The following BCL11B variants were observed in gnomAD, a reference collection of about 807,000 sequenced individuals.
The protein encoded by BCL11B is BCL11 transcription factor B, also known as B-cell lymphoma/leukemia 11B.
A neutral mutation model predicts 49.9 loss-of-function variants in BCL11B; 8 were observed. That is an observed-to-expected ratio of 0.16 (90% CI 0.09 to 0.29). BCL11B has a LOEUF of 0.29. BCL11B is among the 10% of genes least tolerant of loss of function. BCL11B has a pLI of 1.00. For missense variants in BCL11B, 1,006 were observed against 1,351.0 expected (o/e 0.74, Z 4.00); for synonymous variants, 739 against 637.4 (o/e 1.16, Z -2.40).
rs777807834 is a variant in BCL11B, at chr14:99,231,334, T to G, written c.640+11A>C. 2.4e-5 allele frequency: 38 copies of G among 1,608,220 alleles called. No individual in the cohort carries two copies. Among genetic ancestry groups the G allele is most frequent in the Non-Finnish European group, 1.0e-5 (12 of 1,178,250 alleles). On this transcript the variant is annotated intron_variant, in intron 3 of 3. Transcript: ENST00000357195. The surrounding 1 kb of genome is among the most constrained non-coding windows in gnomAD (Gnocchi z 8.1). ...CGGGGGCCCGCCCCCCACCGCGGCG[T>G]CGTCTGTTACCTGACAACTGACACT...
chr14:99,248,705 G>A lies in BCL11B; in HGVS notation c.427+8766C>T, dbSNP rs1362474675. Among the ~76,000 whole-genome samples, 2 of 152,282 alleles carry A rather than the reference G, an allele frequency of 1.3e-5. No homozygotes were observed. The highest frequency in any genetic ancestry group is 1.9e-4 in the East Asian group (1 of 5,184). ...TTCTTCAGAGAAAACTGACTCCTAA[G>A]CCTCATTAATGTGAAAAATGAGGAA... On this transcript the variant is annotated intron_variant, in intron 2 of 3. Coordinates refer to ENST00000357195, the MANE Select transcript of BCL11B (RefSeq NM_138576.4). The surrounding 1 kb of genome is among the most constrained non-coding windows in gnomAD (Gnocchi z 4.7).
At chr14:99,258,362 G>A (rs1345200170) in intron 1 of BCL11B, among the ~76,000 whole-genome samples, 1 of 152,152 alleles carries the variant, frequency 6.6e-6, no homozygotes, top group Non-Finnish European at 1.5e-5. Context: ...GAGAACCAGT[G>A]AGCTGGAGCC....
chr14:99,260,972 CA>C (rs2139961480), intron 1 of BCL11B, among the ~76,000 whole-genome samples: 1 of 152,240 alleles, frequency 6.6e-6, no homozygotes, highest in African/African-American at 2.4e-5. Context: ...GGAAAAGAAA[CA>C]AACAAAAAAT....
At position 99,192,935 on chromosome 14, in the gene BCL11B, A is replaced by T. The variant is rs200839100; in HGVS notation, c.641-16740T>A. Reference sequence around the variant, plus strand: ...TAAAAGAGTGAATGAATGAATGAGTAAATTAGTGAATAAGTGAATAAGTGA... The same window carrying T: ...TAAAAGAGTGAATGAATGAATGAGTTAATTAGTGAATAAGTGAATAAGTGA... On this transcript the variant is annotated intron_variant, in intron 3 of 3. Coordinates refer to ENST00000357195, the MANE Select transcript of BCL11B (RefSeq NM_138576.4). This position sits in a 1 kb window ranked among gnomAD's most constrained non-coding sequence, Gnocchi z 4.0. Among the ~76,000 whole-genome samples the T allele has an allele frequency of 3.9e-3, 558 of 144,604 alleles. 22 individuals carry two copies. In the East Asian group the frequency reaches 0.097, roughly 25 times the overall value. The allele number at this position is 144,604 out of a possible 152,430, so 94.9% of individuals were successfully genotyped here.
Position 99,176,098 on chromosome 14 carries a change from G to C in BCL11B, c.738C>G (p.Phe246Leu). 1 of 1,609,380 alleles carries C rather than the reference G, an allele frequency of 6.2e-7. No homozygotes were observed. The highest frequency in any genetic ancestry group is 1.1e-5 in the South Asian group (1 of 90,854). The change falls in exon 4 of 4, where the codon TTC becomes TTG. Residue 246 changes from phenylalanine to leucine, a missense_variant. Physicochemically the swap from Phe to Leu is conservative, Grantham distance 22. Around this residue, in one of 6 missense-constraint regions of BCL11B, gnomAD observed 411 missense variants for 542.2 expected, o/e 0.76. Coordinates refer to ENST00000357195, the MANE Select transcript of BCL11B (RefSeq NM_138576.4). Reference protein sequence around the residue: ...LLQHAQNTHGFRIYLEPGPAS... With the variant: ...LLQHAQNTHGLRIYLEPGPAS... ...CCGGCCCGGGCTCCAGGTAGATGCGGAAGCCGTGCGTGTTCTGCGCGTGCT... is the reference window on the plus strand; with the variant it reads ...CCGGCCCGGGCTCCAGGTAGATGCGCAAGCCGTGCGTGTTCTGCGCGTGCT...
intron 2 of BCL11B, among the ~76,000 whole-genome samples, chr14:99,238,893 C>G (rs936716614): frequency 2.0e-5 from 3 of 152,120 alleles, no homozygotes; most frequent in African/African-American, 7.2e-5. Flanking sequence ...AATGGGCAGG[C>G]CTGAGGACAA....
intron 3 of BCL11B, among the ~76,000 whole-genome samples, chr14:99,209,545 C>T (rs1470502984): frequency 5.9e-5 from 9 of 152,232 alleles, no homozygotes; most frequent in African/African-American, 1.2e-4. Flanking sequence ...GAGAAGCATG[C>T]GCCCAGCACG....
chr14:99,211,569 T>C (rs3850423), intron 3 of BCL11B, among the ~76,000 whole-genome samples: 6,654 of 152,296 alleles, frequency 0.044, 671 homozygotes, highest in East Asian at 0.34. Context: ...CACACATGCA[T>C]GTACACATGC....
intron 3 of BCL11B, among the ~76,000 whole-genome samples, chr14:99,219,940 G>A (rs1197748636): frequency 1.3e-5 from 2 of 152,130 alleles, no homozygotes; most frequent in Non-Finnish European, 2.9e-5. Context: ...CAGTCCAGTG[G>A]TGACTATAGG....
At chr14:99,177,605 C>T (rs1886578116) in intron 3 of BCL11B, among the ~76,000 whole-genome samples, 1 of 149,334 alleles carries the variant, frequency 6.7e-6, no homozygotes, top group African/African-American at 2.5e-5. Flanking sequence ...ACATGGCATG[C>T]GAGATCTTGA....
intron 3 of BCL11B, among the ~76,000 whole-genome samples, chr14:99,189,296 G>A (rs184423975): frequency 1.5e-3 from 226 of 152,336 alleles, no homozygotes; most frequent in Admixed American, 3.5e-3. Context: ...TGACACCACC[G>A]AAGTTTCCGG....
In BCL11B at chr14:99,170,174, C is replaced by T; in HGVS notation, c.*3977G>A. On this transcript the variant is annotated 3_prime_UTR_variant, in exon 4 of 4. Coordinates refer to ENST00000357195, the MANE Select transcript of BCL11B (RefSeq NM_138576.4). ...GCACTCTAGGACCTCAGTGGGGCAT[C>T]CAAAGGCAACAGCAGCCCCTGGATC... The T allele has an allele frequency of 4.5e-6, 1 of 224,060 alleles. No homozygotes were observed. Among genetic ancestry groups the T allele is most frequent in the South Asian group, 1.8e-4 (1 of 5,454 alleles). 13.9% of individuals were successfully genotyped at this position (224,060 alleles called of 1,614,324 possible).
chr14:99,172,037 C>A lies in BCL11B; in HGVS notation c.*2114G>T, dbSNP rs1315964001. Reference sequence around the variant, plus strand: ...ATTTTTGTATAACCTATTAAGCAAACTTTGAAAAAAAAAGATCGCTCCAAC... The same window carrying A: ...ATTTTTGTATAACCTATTAAGCAAAATTTGAAAAAAAAAGATCGCTCCAAC... On this transcript the variant is annotated 3_prime_UTR_variant, in exon 4 of 4. Transcript: ENST00000357195. The A allele has an allele frequency of 4.7e-6, 1 of 211,622 alleles. No individual in the cohort carries two copies. Among genetic ancestry groups the A allele is most frequent in the African/African-American group, 2.3e-5 (1 of 43,850 alleles). 13.1% of individuals were successfully genotyped at this position (211,622 alleles called of 1,614,324 possible).
chr14:99,234,510 G>T (rs907207111), intron 2 of BCL11B, among the ~76,000 whole-genome samples: 4 of 152,102 alleles, frequency 2.6e-5, no homozygotes. Flanking sequence ...CTCCCAGGCC[G>T]CACAGCCTTG....
In BCL11B at chr14:99,233,406, T is replaced by C. The variant is rs189206340; in HGVS notation, c.428-1849A>G. Among the ~76,000 whole-genome samples the C allele has an allele frequency of 1.3e-4, 20 of 152,332 alleles. No individual in the cohort carries two copies. In the East Asian group the frequency reaches 3.1e-3, roughly 24 times the overall value. ...CCCTCTAGGGCTGCAGCTGGGTAAG[T>C]GACCAGGGGTCCTGGGATCTCTAGA... is the stretch of plus-strand genomic sequence containing the variant. On this transcript the variant is annotated intron_variant, in intron 2 of 3. Transcript: ENST00000357195.
chr14:99,261,551 T>C (rs745606237), intron 1 of BCL11B, among the ~76,000 whole-genome samples: 1 of 151,986 alleles, frequency 6.6e-6, no homozygotes, highest in Non-Finnish European at 1.5e-5. Context: ...AAAACAGTCT[T>C]TCAAATTCCC....
At position 99,267,549 on chromosome 14, in the gene BCL11B, C is replaced by CCA. The variant is rs1430040546; in HGVS notation, c.58+3611_58+3612insTG. Among the ~76,000 whole-genome samples the CCA allele has an allele frequency of 5.3e-5, 8 of 149,664 alleles. 1 individual carries two copies. The highest frequency in any genetic ancestry group is 2.1e-4 in the South Asian group (1 of 4,686). ...GCAGAAGGGAGAGGAACTTCACCCCCCCCCCACCAACTAACCAAAAAAAAA... is the reference window on the plus strand; with the variant it reads ...GCAGAAGGGAGAGGAACTTCACCCCCCACCCCCACCAACTAACCAAAAAAAAA... On this transcript the variant is annotated intron_variant, in intron 1 of 3. Coordinates refer to ENST00000357195, the MANE Select transcript of BCL11B (RefSeq NM_138576.4).
chr14:99,211,368 TA>T (rs1566812006), intron 3 of BCL11B, among the ~76,000 whole-genome samples: 1 of 152,190 alleles, frequency 6.6e-6, no homozygotes, highest in Non-Finnish European at 1.5e-5. Context: ...CAGAGTCATG[TA>T]CTTGGGTGTT....
At chr14:99,215,020 T>C (rs916081984) in intron 3 of BCL11B, among the ~76,000 whole-genome samples, 13 of 152,182 alleles carry the variant, frequency 8.5e-5, no homozygotes, top group African/African-American at 2.4e-4. Flanking sequence ...TACAGCGGAA[T>C]GTCCCTTCTG....
Sources: allele counts gnomAD v4.1 joint callset (sites outside exome capture counted in the v4.1 genomes callset), GRCh38; gene constraint gnomAD v4.1.1; regional missense constraint gnomAD v4.1.1; non-coding constraint Gnocchi (gnomAD v3.1); transcripts MANE v1.5; gene names NCBI Gene and HGNC (gene_info 2026-07-23, HGNC 2026-07-21).